The following WSCD2 variants were observed in gnomAD, a reference collection of about 807,000 sequenced individuals.
WSCD2 encodes the protein sialate:O-sulfotransferase 2.
Under a neutral mutation model 55.7 loss-of-function variants are expected in WSCD2, and 28 were observed. That is an observed-to-expected ratio of 0.50 (90% CI 0.37 to 0.69). The LOEUF (loss-of-function observed/expected upper bound fraction) is 0.69, where lower values mean the gene tolerates loss of function less well. Among genes scored for constraint, WSCD2 ranks in the 30% least tolerant of loss-of-function variants. WSCD2 has a pLI of 0.00. For synonymous variants in WSCD2, 301 were observed against 301.9 expected, an observed-to-expected ratio of 1.00 and a Z score of 0.03; for missense variants, 616 against 762.1, an observed-to-expected ratio of 0.81 and a Z score of 2.26.
intron 8 of WSCD2, among the ~76,000 whole-genome samples, chr12:108,241,564 G>A (rs763869639): frequency 6.6e-5 from 10 of 152,146 alleles, no homozygotes; most frequent in Non-Finnish European, 1.5e-4. Context: ...GGGATATAGG[G>A]GGTTGTTGTT....
chr12:108,168,734 G>A (rs1192369567), intron 1 of WSCD2, among the ~76,000 whole-genome samples: 1 of 152,160 alleles, frequency 6.6e-6, no homozygotes, highest in Non-Finnish European at 1.5e-5. Context: ...AAATCCAAGT[G>A]GAAAAACAAG....
chr12:108,239,817 A>G (rs986049356), intron 7 of WSCD2, among the ~76,000 whole-genome samples: 1 of 152,158 alleles, frequency 6.6e-6, no homozygotes, highest in Admixed American at 6.5e-5. Flanking sequence ...TAGCTCAAGC[A>G]ATCCTCCCGC....
chr12:108,242,958 ATCT>A (rs1398837577), intron 8 of WSCD2, among the ~76,000 whole-genome samples: 3 of 152,194 alleles, frequency 2.0e-5, no homozygotes, highest in Admixed American at 6.5e-5. Context: ...GGGAGAAGGG[ATCT>A]TCTCCAAGTG....
rs145687464 is a variant in WSCD2, at chr12:108,157,264, A to G, written c.-552+27338A>G. 1.7e-3 allele frequency among the ~76,000 whole-genome samples: 257 copies of G among 152,294 alleles called. 2 individuals carry two copies. The highest frequency in any genetic ancestry group is 5.4e-3 in the African/African-American group (224 of 41,550). On this transcript the variant is annotated intron_variant, in intron 1 of 8. Transcript: ENST00000547525. Reference sequence around the variant, plus strand: ...TTTCCGCTCTGTCCTTCACTCCACCATTATATGACCATCTGGTCTTAGTGA... The same window carrying G: ...TTTCCGCTCTGTCCTTCACTCCACCGTTATATGACCATCTGGTCTTAGTGA...
intron 1 of WSCD2, among the ~76,000 whole-genome samples, chr12:108,171,244 C>T (rs1348928488): frequency 1.3e-5 from 2 of 152,232 alleles, no homozygotes; most frequent in Non-Finnish European, 2.9e-5. Flanking sequence ...TTGTCACTGG[C>T]TTTAACAAGC....
At chr12:108,216,286 T>C (rs576180008) in intron 4 of WSCD2, among the ~76,000 whole-genome samples, 3 of 152,338 alleles carry the variant, frequency 2.0e-5, no homozygotes, top group African/African-American at 7.2e-5. Flanking sequence ...ACCTCATAGG[T>C]TGCTGTGAGG....
chr12:108,194,417 G>A (rs1447945918), intron 1 of WSCD2, among the ~76,000 whole-genome samples: 1 of 152,204 alleles, frequency 6.6e-6, no homozygotes, highest in East Asian at 1.9e-4. Flanking sequence ...GTGGGAAAGA[G>A]GCAGAGTCAA....
At chr12:108,186,841 G>A (rs1472661265) in intron 1 of WSCD2, among the ~76,000 whole-genome samples, 5 of 152,124 alleles carry the variant, frequency 3.3e-5, no homozygotes, top group Non-Finnish European at 5.9e-5. Flanking sequence ...ATGGTAAGAA[G>A]AGACAAATGA....
At chr12:108,207,373 A>AT (rs1281638673) in intron 3 of WSCD2, among the ~76,000 whole-genome samples, 2 of 151,026 alleles carry the variant, frequency 1.3e-5, no homozygotes, top group Admixed American at 6.6e-5. Flanking sequence ...TTTATTTTTT[A>AT]TTTTTTATTT....
At chr12:108,180,442 G>GT (rs1264414021) in intron 1 of WSCD2, among the ~76,000 whole-genome samples, 1 of 152,238 alleles carries the variant, frequency 6.6e-6, no homozygotes, top group African/African-American at 2.4e-5. Context: ...TAGATCCCTT[G>GT]GCTCAGGCCA....
rs1322944028 is a variant in WSCD2, at chr12:108,243,818, G to A, written c.1345+3274G>A. Among the ~76,000 whole-genome samples, 3 of 152,260 alleles carry A rather than the reference G, an allele frequency of 2.0e-5. No homozygotes were observed. The East Asian group carries it at 5.8e-4, about 29-fold the overall frequency. ...ACAGAATGTGAAGATCACCCTGTAA[G>A]AGCCAAGGTCACCTAGCTATTGAGT... On this transcript the variant is annotated intron_variant, in intron 8 of 8. Transcript: ENST00000547525.
At chr12:108,170,377 A>G (rs568456878) in intron 1 of WSCD2, among the ~76,000 whole-genome samples, 1 of 137,498 alleles carries the variant, frequency 7.3e-6, no homozygotes, top group South Asian at 2.2e-4. Context: ...CAAGACAACA[A>G]TGATGATGAT....
At chr12:108,137,265 CT>C (rs1192503003) in intron 1 of WSCD2, among the ~76,000 whole-genome samples, 1 of 152,256 alleles carries the variant, frequency 6.6e-6, no homozygotes, top group Non-Finnish European at 1.5e-5. Context: ...ACCATCATAA[CT>C]GCATGCCATT....
At chr12:108,243,584 G>GT (rs1889906219) in intron 8 of WSCD2, among the ~76,000 whole-genome samples, 1 of 152,280 alleles carries the variant, frequency 6.6e-6, no homozygotes, top group South Asian at 2.1e-4. Context: ...GAGCACCCTA[G>GT]TTTAAGAACC....
chr12:108,176,121 G>A (rs147281212), intron 1 of WSCD2, among the ~76,000 whole-genome samples: 5,786 of 152,152 alleles, frequency 0.038, 322 homozygotes, highest in African/African-American at 0.13. Flanking sequence ...TTACAGGCGC[G>A]AGCCACCACG....
chr12:108,196,246 G>A, intron 2 of WSCD2, 32 bp downstream of exon 2: 2 of 1,582,968 alleles, frequency 1.3e-6, no homozygotes, highest in Non-Finnish European at 1.7e-6. Context: ...ACACTGAGGG[G>A]CTGGGGAGAA....
chr12:108,163,654 G>A (rs1303305376), intron 1 of WSCD2, among the ~76,000 whole-genome samples: 1 of 152,192 alleles, frequency 6.6e-6, no homozygotes, highest in Non-Finnish European at 1.5e-5. Flanking sequence ...TCAGTAGCAG[G>A]AGATGCGATG....
intron 4 of WSCD2, among the ~76,000 whole-genome samples, chr12:108,219,785 G>A (rs544288176): frequency 1.3e-4 from 20 of 152,320 alleles, no homozygotes; most frequent in African/African-American, 4.1e-4. Context: ...AGGGGCCTCC[G>A]TTGGCCCCAA....
chr12:108,216,576 T>C (rs1311072248), intron 4 of WSCD2, among the ~76,000 whole-genome samples: 1 of 152,228 alleles, frequency 6.6e-6, no homozygotes, highest in African/African-American at 2.4e-5. Context: ...AATACAGGGA[T>C]GTGAACCTTG....
Sources: gnomAD v4.1 joint callset for allele counts (sites outside exome capture counted in the v4.1 genomes callset) on GRCh38, gnomAD v4.1.1 for gene constraint, MANE v1.5 for transcripts, NCBI Gene and HGNC (gene_info 2026-07-23, HGNC 2026-07-21) for gene names.